CCDC85A: variants seen among roughly 807,000 people sequenced by gnomAD.
The protein encoded by CCDC85A is coiled-coil domain-containing protein 85A.
A neutral mutation model predicts 50.2 loss-of-function variants in CCDC85A; 38 were observed. The ratio of observed to expected loss-of-function variants is 0.76; its 90% CI spans 0.58 to 0.99. The LOEUF is 0.99. CCDC85A is among the 50% of genes least tolerant of loss of function. The pLI is 0.00. For synonymous variants in CCDC85A, 366 were observed against 301.4 expected, an observed-to-expected ratio of 1.21 and a Z score of -2.22; for missense variants, 820 against 742.0, an observed-to-expected ratio of 1.11 and a Z score of -1.22.
intron 2 of CCDC85A, among the ~76,000 whole-genome samples, chr2:56,194,124 C>A (rs914040244): frequency 1.3e-5 from 2 of 152,154 alleles, no homozygotes; most frequent in African/African-American, 4.8e-5. Context: ...TATACATATT[C>A]CAAATAATAT....
At chr2:56,373,767 C>A (rs186337324) in intron 4 of CCDC85A, among the ~76,000 whole-genome samples, 1 of 152,040 alleles carries the variant, frequency 6.6e-6, no homozygotes, top group South Asian at 2.1e-4. Flanking sequence ...GAGTTTGAAG[C>A]GAATTCTGTA....
At position 56,184,778 on chromosome 2, in the gene CCDC85A, C is replaced by A; in HGVS notation, c.154C>A (p.Leu52Met). 6.5e-7 allele frequency: 1 copy of A among 1,546,522 alleles called. No individual in the cohort carries two copies. The highest frequency in any genetic ancestry group is 8.7e-7 in the Non-Finnish European group (1 of 1,146,068). The change falls in exon 1 of 6, where the codon CTG becomes ATG. Residue 52 changes from leucine (L) to methionine (M), a missense_variant. Transcript: ENST00000407595. Reference protein sequence around the residue: ...EELLQWSKEELIRSLRRAEAE... With the variant: ...EELLQWSKEEMIRSLRRAEAE... ...GCTGCTGCAGTGGAGCAAGGAGGAGCTGATCCGCAGCCTGCGGCGCGCCGA... is the reference window on the plus strand; with the variant it reads ...GCTGCTGCAGTGGAGCAAGGAGGAGATGATCCGCAGCCTGCGGCGCGCCGA...
chr2:56,359,481 G>T (rs1230286496), intron 3 of CCDC85A, among the ~76,000 whole-genome samples: 1 of 152,146 alleles, frequency 6.6e-6, no homozygotes, highest in African/African-American at 2.4e-5. Flanking sequence ...GTTTCCTGGC[G>T]ATCTCTTCCA....
intron 2 of CCDC85A, among the ~76,000 whole-genome samples, chr2:56,247,543 G>A (rs960599624): frequency 2.0e-5 from 3 of 152,182 alleles, no homozygotes; most frequent in Admixed American, 2.0e-4. Flanking sequence ...AGCTCACAGA[G>A]CAAAATGGGG....
intron 2 of CCDC85A, among the ~76,000 whole-genome samples, chr2:56,328,871 G>A (rs1673614362): frequency 6.6e-6 from 1 of 152,090 alleles, no homozygotes; most frequent in Non-Finnish European, 1.5e-5. Flanking sequence ...AGCTCCCTCA[G>A]TGGTCACCCT....
intron 2 of CCDC85A, among the ~76,000 whole-genome samples, chr2:56,306,831 G>A (rs990255424): frequency 6.6e-5 from 10 of 152,118 alleles, no homozygotes; most frequent in African/African-American, 2.4e-4. Flanking sequence ...CCTGTCAGAC[G>A]AGACAATCTA....
chr2:56,266,906 G>A (rs1383824683), intron 2 of CCDC85A, among the ~76,000 whole-genome samples: 3 of 152,168 alleles, frequency 2.0e-5, no homozygotes, highest in African/African-American at 7.2e-5. Flanking sequence ...TAACATTCAA[G>A]TGAGTGGTGT....
At chr2:56,333,616 G>A (rs1248849682) in intron 2 of CCDC85A, among the ~76,000 whole-genome samples, 1 of 152,046 alleles carries the variant, frequency 6.6e-6, no homozygotes, top group African/African-American at 2.4e-5. Flanking sequence ...ATAGACTGTG[G>A]GTGAAAATAG....
At position 56,384,654 on chromosome 2, in the gene CCDC85A, G is replaced by GT. The variant is rs1423343430; in HGVS notation, c.*304dup. The GT allele has an allele frequency of 3.7e-6, 1 of 272,616 alleles. No homozygotes were observed. The highest frequency in any genetic ancestry group is 2.2e-5 in the African/African-American group (1 of 46,356). 16.9% of individuals were successfully genotyped at this position (272,616 alleles called of 1,614,324 possible). A position where few individuals can be genotyped will look rare whatever the true frequency, so the allele number is the denominator to read the frequency against. On this transcript the variant is annotated 3_prime_UTR_variant, in exon 6 of 6. Coordinates refer to ENST00000407595, the MANE Select transcript of CCDC85A (RefSeq NM_001080433.2). ...ACCAGTGTTTTCATTAGAAATAAGT[G>GT]TTTTTAACTCCCCAGATATAATATT...
intron 2 of CCDC85A, among the ~76,000 whole-genome samples, chr2:56,193,870 A>G (rs1676423882): frequency 6.6e-6 from 1 of 152,232 alleles, no homozygotes; most frequent in Non-Finnish European, 1.5e-5. Context: ...TTAATAGGTT[A>G]TATACAAGAA....
intron 4 of CCDC85A, among the ~76,000 whole-genome samples, chr2:56,374,017 G>GTAT (rs1558664988): frequency 6.6e-6 from 1 of 152,174 alleles, no homozygotes; most frequent in East Asian, 1.9e-4. Context: ...TCCATTAGAT[G>GTAT]TATTAGGCAT....
intron 2 of CCDC85A, among the ~76,000 whole-genome samples, chr2:56,195,323 A>G (rs1028224929): frequency 6.6e-6 from 1 of 152,224 alleles, no homozygotes; most frequent in African/African-American, 2.4e-5. Context: ...TTGCCTGGAT[A>G]CAGAGAAACT....
chr2:56,267,939 C>A (rs1395909025), intron 2 of CCDC85A, among the ~76,000 whole-genome samples: 2 of 152,156 alleles, frequency 1.3e-5, no homozygotes, highest in Non-Finnish European at 2.9e-5. Context: ...GCTGTATCAA[C>A]AATTTTTCCT....
intron 2 of CCDC85A, among the ~76,000 whole-genome samples, chr2:56,321,904 T>C (rs935351944): frequency 1.3e-5 from 2 of 152,198 alleles, no homozygotes; most frequent in Admixed American, 1.3e-4. Flanking sequence ...ACTACAAGGC[T>C]ACAGTAACCA....
At chr2:56,241,388 G>C (rs1558601410) in intron 2 of CCDC85A, among the ~76,000 whole-genome samples, 1 of 151,946 alleles carries the variant, frequency 6.6e-6, no homozygotes, top group Admixed American at 6.6e-5. Context: ...GACTGTAGTT[G>C]CCGCGTTGTG....
intron 2 of CCDC85A, among the ~76,000 whole-genome samples, chr2:56,221,144 G>A (rs548944488): frequency 2.0e-5 from 3 of 152,090 alleles, no homozygotes; most frequent in South Asian, 2.1e-4. Context: ...GATTAGCCAC[G>A]TAGAACTGTC....
intron 3 of CCDC85A, among the ~76,000 whole-genome samples, chr2:56,361,258 AG>A (rs1007073516): frequency 2.3e-5 from 2 of 88,830 alleles, no homozygotes; most frequent in African/African-American, 6.4e-5. Context: ...CGTCTCAAAA[AG>A]AAAAAAAAAA....
chr2:56,240,518 C>G (rs1669211891), intron 2 of CCDC85A, among the ~76,000 whole-genome samples: 1 of 151,864 alleles, frequency 6.6e-6, no homozygotes, highest in African/African-American at 2.4e-5. Flanking sequence ...GTGTTTTGTC[C>G]AATTCTTTGT....
At chr2:56,248,621 T>C (rs1669616426) in intron 2 of CCDC85A, among the ~76,000 whole-genome samples, 1 of 152,170 alleles carries the variant, frequency 6.6e-6, no homozygotes, top group Non-Finnish European at 1.5e-5. Flanking sequence ...AACACAAACG[T>C]AGCAATTTCA....
Sources: allele counts gnomAD v4.1 joint callset (sites outside exome capture counted in the v4.1 genomes callset), GRCh38; gene constraint gnomAD v4.1.1; transcripts MANE v1.5; gene names NCBI Gene and HGNC (gene_info 2026-07-23, HGNC 2026-07-21).